Variants in MEGF6 observed in about 807,000 individuals in gnomAD.
The protein encoded by MEGF6 is multiple EGF like domains 6, also known as multiple epidermal growth factor-like domains protein 6.
A neutral mutation model predicts 207.1 loss-of-function variants in MEGF6; 184 were observed. The ratio of observed to expected loss-of-function variants is 0.89; its 90% confidence interval spans 0.79 to 1.00. The LOEUF (loss-of-function observed/expected upper bound fraction) is 1.00, where lower values mean the gene tolerates loss of function less well. MEGF6 is among the 50% of genes least tolerant of loss of function. The pLI is 0.00. For missense variants in MEGF6, 2,282 were observed against 2,202.9 expected (o/e 1.04, Z -0.72); for synonymous variants, 1,038 against 910.0 (o/e 1.14, Z -2.53).
chr1:3,613,608 G>A (rs757541661), upstream of MEGF6, among the ~76,000 whole-genome samples: 2 of 152,176 alleles, frequency 1.3e-5, no homozygotes, highest in African/African-American at 4.8e-5. Context: ...GAGGAAGAAG[G>A]AAAGAATGTG....
At chr1:3,512,728 C>T (rs1641397803) in intron 7 of MEGF6, among the ~76,000 whole-genome samples, 1 of 152,256 alleles carries the variant, frequency 6.6e-6, no homozygotes, top group Admixed American at 6.5e-5. Flanking sequence ...CGCCCCAAGC[C>T]ATGTGGAACT....
rs1455219501 is a variant in MEGF6 at position 3,594,503 on chromosome 1, G to A, written c.376+835C>T. 6.6e-6 allele frequency among the ~76,000 whole-genome samples: 1 copy of A among 152,208 alleles called. No homozygotes were observed. The highest frequency in any genetic ancestry group is 2.4e-5 in the African/African-American group (1 of 41,450). The stretch of plus-strand genomic sequence containing the variant: ...ACTCCCGGCCACACTCCACGGCGCA[G>A]CCTGTCCCTCACTGGCAGGATGCCA... On this transcript the variant is annotated intron_variant, in intron 3 of 36. Transcript: ENST00000356575. This position sits in a 1 kb window ranked among gnomAD's most constrained non-coding sequence, Gnocchi z 4.2.
chr1:3,556,414 A>G lies in MEGF6; in HGVS notation c.481+23411T>C, dbSNP rs1393593086. Among the ~76,000 whole-genome samples the G allele has an allele frequency of 6.6e-6, 1 of 152,198 alleles. No homozygotes were observed. Among genetic ancestry groups the G allele is most frequent in the Non-Finnish European group, 1.5e-5 (1 of 68,038 alleles). Reference sequence around the variant, plus strand: ...CCAAAACCGCCGGCTGGCTGAACCAAATTGGCCCGGGACCTCCTCACGGAG... The same window carrying G: ...CCAAAACCGCCGGCTGGCTGAACCAGATTGGCCCGGGACCTCCTCACGGAG... On this transcript the variant is annotated intron_variant, in intron 4 of 36. Coordinates refer to ENST00000356575, the MANE Select transcript of MEGF6 (RefSeq NM_001409.4). The surrounding 1 kb of genome is among the most constrained non-coding windows in gnomAD (Gnocchi z 4.4).
chr1:3,580,517 G>A (rs1206747414), intron 3 of MEGF6, among the ~76,000 whole-genome samples: 4 of 152,094 alleles, frequency 2.6e-5, no homozygotes, highest in African/African-American at 4.8e-5. Flanking sequence ...TGTGAGGGTG[G>A]AGGAGGCCAC....
chr1:3,604,487 G>A (rs1196756400), intron 1 of MEGF6, among the ~76,000 whole-genome samples: 6 of 152,190 alleles, frequency 3.9e-5, no homozygotes, highest in African/African-American at 1.4e-4. Context: ...CGAACCCAGG[G>A]CAGGTGGAAA....
At chr1:3,570,528 A>G (rs1275795204) in intron 4 of MEGF6, among the ~76,000 whole-genome samples, 1 of 152,256 alleles carries the variant, frequency 6.6e-6, no homozygotes, top group African/African-American at 2.4e-5. Flanking sequence ...ACCTGAGGGC[A>G]GCCAGACAGG....
At chr1:3,609,075 C>G (rs10909985) in intron 1 of MEGF6, among the ~76,000 whole-genome samples, 52,573 of 152,080 alleles carry the variant, frequency 0.35, 9,470 homozygotes, top group African/African-American at 0.42. Context: ...GCCGCTGCCC[C>G]GTGCCAAGCC....
chr1:3,578,546 G>T lies in MEGF6; in HGVS notation c.481+1279C>A, dbSNP rs572041059. Among the ~76,000 whole-genome samples the T allele has an allele frequency of 5.3e-5, 8 of 152,282 alleles. No individual in the cohort carries two copies. The South Asian group carries it at 6.2e-4, about 12-fold the overall frequency. ...ACAGGGCAGGGGCCCTGGGGGGGGG[G>T]GGCCCTTTCGTCCACACGAGACAGA... On this transcript the variant is annotated intron_variant, in intron 4 of 36. Coordinates refer to ENST00000356575, the MANE Select transcript of MEGF6 (RefSeq NM_001409.4).
intron 3 of MEGF6, among the ~76,000 whole-genome samples, chr1:3,591,619 G>A (rs1557802663): frequency 6.6e-6 from 1 of 151,798 alleles, no homozygotes; most frequent in African/African-American, 2.4e-5. Context: ...CGGGCGAGGG[G>A]GCTGTTGGGG....
chr1:3,547,564 T>A (rs1271403465), intron 4 of MEGF6, among the ~76,000 whole-genome samples: 1 of 152,094 alleles, frequency 6.6e-6, no homozygotes, highest in Non-Finnish European at 1.5e-5. Flanking sequence ...GGAGTTTCAC[T>A]GTCACCTGCA....
intron 4 of MEGF6, among the ~76,000 whole-genome samples, chr1:3,549,764 C>A (rs998829319): frequency 1.1e-4 from 16 of 152,220 alleles, no homozygotes; most frequent in Non-Finnish European, 2.4e-4. Flanking sequence ...GGGAACCACC[C>A]GGAGGCTGAC....
At chr1:3,531,584 C>A in intron 4 of MEGF6, 2 of 813,428 alleles carry the variant, frequency 2.5e-6, no homozygotes, top group South Asian at 1.1e-4. Flanking sequence ...TTCCAGCGTG[C>A]GCGCTCCCGG....
chr1:3,498,561 A>G, intron 25 of MEGF6, 62 bp from the exon 26 acceptor site: 5 of 1,502,016 alleles, frequency 3.3e-6, no homozygotes, highest in Non-Finnish European at 4.5e-6. Flanking sequence ...GGAGACCCTG[A>G]CCCATGCTTC....
chr1:3,552,181 C>T (rs901379125), intron 4 of MEGF6, among the ~76,000 whole-genome samples: 2 of 152,234 alleles, frequency 1.3e-5, no homozygotes, highest in African/African-American at 4.8e-5. Flanking sequence ...ATGCCCGAGC[C>T]CCAGGCACAG....
chr1:3,621,532 T>C, the MEGF6 span, among the ~76,000 whole-genome samples: 1 of 152,248 alleles, frequency 6.6e-6, no homozygotes, highest in Non-Finnish European at 1.5e-5. Flanking sequence ...CATATAATCA[T>C]ATCTATGATC....
chr1:3,498,547 C>G, intron 25 of MEGF6, 48 bp from the exon 26 acceptor site: 1 of 1,514,710 alleles, frequency 6.6e-7, no homozygotes, highest in Non-Finnish European at 8.9e-7. Context: ...GCCTCCTGGG[C>G]CCAGGAGACC....
chr1:3,597,527 C>T (rs1570230974), intron 2 of MEGF6, among the ~76,000 whole-genome samples: 2 of 152,352 alleles, frequency 1.3e-5, no homozygotes, highest in East Asian at 1.9e-4. Context: ...AGGGTCTCTG[C>T]TTCACCTGCA....
intron 4 of MEGF6, among the ~76,000 whole-genome samples, chr1:3,553,095 C>G (rs1380520000): frequency 1.3e-5 from 2 of 152,176 alleles, no homozygotes; most frequent in African/African-American, 4.8e-5. Flanking sequence ...TCTGAGGGTA[C>G]AGGGAGGCCC....
intron 4 of MEGF6, among the ~76,000 whole-genome samples, chr1:3,576,054 C>G (rs1643632670): frequency 6.6e-6 from 1 of 152,280 alleles, no homozygotes; most frequent in African/African-American, 2.4e-5. Flanking sequence ...CCCGGTCACA[C>G]AGGCACAGGC....
Sources: gnomAD v4.1 joint callset for allele counts (sites outside exome capture counted in the v4.1 genomes callset) on GRCh38, gnomAD v4.1.1 for gene constraint, Gnocchi (gnomAD v3.1) non-coding constraint, MANE v1.5 for transcripts, NCBI Gene and HGNC (gene_info 2026-07-23, HGNC 2026-07-21) for gene names.